SCAPER: variants seen among roughly 807,000 people sequenced by gnomAD.
The protein encoded by SCAPER is S-phase cyclin A associated protein in the ER.
In SCAPER, 98 loss-of-function variants were observed where a neutral mutation model predicts 182.2. The observed-to-expected ratio is 0.54, with a 90% CI of 0.46 to 0.64. SCAPER has a LOEUF of 0.64. SCAPER is among the 30% of genes least tolerant of loss of function. SCAPER has a pLI of 0.00. For missense variants in SCAPER, 1,432 were observed against 1,690.0 expected (o/e 0.85, Z 2.68); for synonymous variants, 605 against 564.6 (o/e 1.07, Z -1.01).
chr15:76,381,904 A>G (rs981729144), intron 27 of SCAPER, among the ~76,000 whole-genome samples: 2 of 152,090 alleles, frequency 1.3e-5, no homozygotes, highest in African/African-American at 2.4e-5. Context: ...ACATAACCTC[A>G]CTTTGTTTAG....
chr15:76,903,233 T>G (rs2074897508), intron 1 of SCAPER, among the ~76,000 whole-genome samples: 1 of 152,182 alleles, frequency 6.6e-6, no homozygotes, highest in Non-Finnish European at 1.5e-5. Flanking sequence ...TAAAGTCTGT[T>G]TAGAATACTA....
chr15:76,672,323 A>G (rs1567758625), intron 20 of SCAPER, among the ~76,000 whole-genome samples: 1 of 152,256 alleles, frequency 6.6e-6, no homozygotes, highest in Non-Finnish European at 1.5e-5. Flanking sequence ...AGAGAAAATT[A>G]TCAAGGTCAA....
At chr15:76,511,843 A>ATATGTGTGTGTGTGTGTGTG (rs151255382) in intron 23 of SCAPER, among the ~76,000 whole-genome samples, 171 of 123,226 alleles carry the variant, frequency 1.4e-3, no homozygotes, top group Middle Eastern at 8.0e-3. Context: ...ATATATATAT[A>ATATGTGTGTGTGTGTGTGTG]TGTGTGTGTG....
chr15:76,443,764 C>G (rs919840796), intron 25 of SCAPER, among the ~76,000 whole-genome samples: 11 of 152,200 alleles, frequency 7.2e-5, no homozygotes, highest in Admixed American at 2.6e-4. Context: ...GACAAGAGCA[C>G]AGCTTTCAAT....
At position 76,610,530 on chromosome 15, in the gene SCAPER, C is replaced by T. The variant is rs187450606; in HGVS notation, c.2711+11234G>A. Among the ~76,000 whole-genome samples, 535 of 151,944 alleles carry T rather than the reference C, an allele frequency of 3.5e-3. 6 individuals are homozygous for T. Among genetic ancestry groups the T allele is most frequent in the African/African-American group, 0.012 (494 of 41,434 alleles). On this transcript the variant is annotated intron_variant, in intron 22 of 31. Coordinates refer to ENST00000563290, the MANE Select transcript of SCAPER (RefSeq NM_020843.4). ...TGACAAAATCACACACAAAGAAAACCGTAAAGATTCTACAAAAAAATCCTG... is the reference window on the plus strand; with the variant it reads ...TGACAAAATCACACACAAAGAAAACTGTAAAGATTCTACAAAAAAATCCTG...
At chr15:76,400,985 T>TAAATATAA (rs1159428554) in intron 27 of SCAPER, among the ~76,000 whole-genome samples, 2 of 151,646 alleles carry the variant, frequency 1.3e-5, no homozygotes, top group Non-Finnish European at 2.9e-5. Flanking sequence ...AAATATATAA[T>TAAATATAA]AAATATAAAA....
intron 2 of SCAPER, among the ~76,000 whole-genome samples, chr15:76,865,949 T>A (rs2072257696): frequency 1.3e-5 from 2 of 152,154 alleles, no homozygotes; most frequent in African/African-American, 4.8e-5. Context: ...CCAAACCCCA[T>A]TCAGTGTCCT....
intron 10 of SCAPER, 69 bp from the exon 11 acceptor site, chr15:76,767,157 G>T: frequency 1.5e-6 from 2 of 1,357,514 alleles, no homozygotes; most frequent in Admixed American, 2.5e-5. Flanking sequence ...CATTTTTTAT[G>T]TTCTAACATG....
chr15:76,532,083 G>A (rs1321830963), intron 23 of SCAPER, among the ~76,000 whole-genome samples: 2 of 151,880 alleles, frequency 1.3e-5, no homozygotes, highest in African/African-American at 4.8e-5. Context: ...CACAGGTGTT[G>A]ATCATCTCAA....
At chr15:76,483,034 G>C (rs1427021719) in intron 24 of SCAPER, among the ~76,000 whole-genome samples, 1 of 151,990 alleles carries the variant, frequency 6.6e-6, no homozygotes, top group Non-Finnish European at 1.5e-5. Context: ...ATCCAGAATA[G>C]CCAATATAAT....
chr15:76,385,204 C>T (rs2043218559), intron 27 of SCAPER: 1 of 152,206 alleles, frequency 6.6e-6, no homozygotes, highest in East Asian at 1.9e-4. Flanking sequence ...GCAAAAACAG[C>T]ATGATTTGTG....
chr15:76,650,713 C>T (rs1468750753), intron 21 of SCAPER, among the ~76,000 whole-genome samples: 2 of 152,066 alleles, frequency 1.3e-5, no homozygotes, highest in African/African-American at 2.4e-5. Context: ...ATAATAAGCA[C>T]AATATAAGTG....
At position 76,446,864 on chromosome 15, in the gene SCAPER, T is replaced by C. The variant is rs536637308; in HGVS notation, c.3079-12554A>G. ...TATCATGGTGTGAAAGAGATACGCGTTCAATAGAAACCATACTTCGAGTAC... is the reference window on the plus strand; with the variant it reads ...TATCATGGTGTGAAAGAGATACGCGCTCAATAGAAACCATACTTCGAGTAC... On this transcript the variant is annotated intron_variant, in intron 25 of 31. Transcript: ENST00000563290. Among the ~76,000 whole-genome samples the C allele has an allele frequency of 2.8e-4, 43 of 152,324 alleles. 2 individuals carry two copies. Among genetic ancestry groups the C allele is most frequent in the Middle Eastern group, 3.4e-3 (1 of 292 alleles).
At chr15:76,853,577 C>A (rs2071011065) in intron 4 of SCAPER, among the ~76,000 whole-genome samples, 2 of 151,854 alleles carry the variant, frequency 1.3e-5, no homozygotes, top group Admixed American at 1.3e-4. Context: ...ACATAGTTAT[C>A]TCAATGGATG....
At chr15:76,467,680 C>T (rs896397375) in intron 25 of SCAPER, among the ~76,000 whole-genome samples, 2 of 152,272 alleles carry the variant, frequency 1.3e-5, no homozygotes, top group South Asian at 2.1e-4. Context: ...GTCTGAGCTA[C>T]GTTGTAGTTC....
intron 10 of SCAPER, among the ~76,000 whole-genome samples, chr15:76,771,156 G>A (rs1204476138): frequency 6.6e-6 from 1 of 152,036 alleles, no homozygotes; most frequent in Non-Finnish European, 1.5e-5. Flanking sequence ...AAGTTAGCAT[G>A]ATTTATTCTG....
At chr15:76,633,399 G>C (rs2053315244) in intron 21 of SCAPER, among the ~76,000 whole-genome samples, 1 of 152,250 alleles carries the variant, frequency 6.6e-6, no homozygotes, top group Non-Finnish European at 1.5e-5. Flanking sequence ...CACTCAGTCA[G>C]GAGGAACGGG....
rs561143641 is a variant in SCAPER, at chr15:76,750,919, C to A, written c.1866+2889G>T. The stretch of plus-strand genomic sequence containing the variant: ...AATTAGGAAAGTAAAAGAAATAGTG[C>A]CCAAATTTAGAAAGTAGTAAGATTA... On this transcript the variant is annotated intron_variant, in intron 15 of 31. Coordinates refer to ENST00000563290, the MANE Select transcript of SCAPER (RefSeq NM_020843.4). Among the ~76,000 whole-genome samples the A allele has an allele frequency of 1.2e-4, 18 of 151,680 alleles. No individual in the cohort carries two copies. In the South Asian group the frequency reaches 3.7e-3, roughly 31 times the overall value.
chr15:76,800,076 G>A (rs3825892), intron 7 of SCAPER, among the ~76,000 whole-genome samples, 172 bp downstream of exon 7: 10,109 of 142,252 alleles, frequency 0.071, 390 homozygotes, highest in Middle Eastern at 0.12. Flanking sequence ...AATCCTCCCC[G>A]GGATTGCTAA....
Sources: allele counts gnomAD v4.1 joint callset (sites outside exome capture counted in the v4.1 genomes callset), GRCh38; gene constraint gnomAD v4.1.1; transcripts MANE v1.5; gene names NCBI Gene and HGNC (gene_info 2026-07-23, HGNC 2026-07-21).